CAPN5: variants seen among roughly 807,000 people sequenced by gnomAD.
The protein encoded by CAPN5 is calpain 5, also known as calpain-5.
CAPN5 carries 54 observed loss-of-function variants against 73.0 expected under a neutral mutation model. The ratio of observed to expected loss-of-function variants is 0.74; its 90% CI spans 0.59 to 0.93. The LOEUF (loss-of-function observed/expected upper bound fraction) is 0.93, where lower values mean the gene tolerates loss of function less well. Ranked by LOEUF, CAPN5 falls within the 40% of genes least tolerant of loss-of-function variation. The pLI is 0.00. For synonymous variants in CAPN5, 335 were observed against 356.9 expected (o/e 0.94, Z 0.69); for missense variants, 785 against 882.9 (o/e 0.89, Z 1.41).
chr11:77,079,940 A>G (rs1175045053), intron 1 of CAPN5, among the ~76,000 whole-genome samples: 1 of 151,894 alleles, frequency 6.6e-6, no homozygotes, highest in Admixed American at 6.6e-5. Flanking sequence ...AGACCATTTG[A>G]GTTTACTTTT....
chr11:77,102,499 C>A (rs529293961), intron 3 of CAPN5, among the ~76,000 whole-genome samples: 64 of 152,368 alleles, frequency 4.2e-4, no homozygotes, highest in African/African-American at 1.5e-3. Context: ...CTCATCTTCA[C>A]AAACAAGCCA....
At chr11:77,112,536 C>A in intron 3 of CAPN5, 53 bp from the exon 4 acceptor site, 2 of 1,407,830 alleles carry the variant, frequency 1.4e-6, no homozygotes, top group South Asian at 1.2e-5. Flanking sequence ...CCTCAGGAAG[C>A]CGGACATCCC....
intron 2 of CAPN5, among the ~76,000 whole-genome samples, chr11:77,087,238 C>T (rs541199758): frequency 6.6e-5 from 10 of 152,324 alleles, no homozygotes; most frequent in South Asian, 4.1e-4. Context: ...GCCCCACTAA[C>T]GGGATGGGAG....
At chr11:77,069,556 C>T (rs1459696356) in intron 1 of CAPN5, among the ~76,000 whole-genome samples, 1 of 152,106 alleles carries the variant, frequency 6.6e-6, no homozygotes, top group Non-Finnish European at 1.5e-5. Flanking sequence ...CCGGGAGCAC[C>T]CTAGAGTACA....
intron 1 of CAPN5, among the ~76,000 whole-genome samples, chr11:77,068,379 G>A (rs1949868239): frequency 6.6e-6 from 1 of 152,214 alleles, no homozygotes; most frequent in South Asian, 2.1e-4. Context: ...CCTGTCCAGA[G>A]TTGTACCCAG....
chr11:77,067,257 T>C (rs1448945145), intron 1 of CAPN5, among the ~76,000 whole-genome samples, 163 bp downstream of exon 1: 11 of 130,460 alleles, frequency 8.4e-5, no homozygotes, highest in Non-Finnish European at 1.8e-4. Context: ...AAGTGAGCGC[T>C]GGCTGGGGGG....
intron 3 of CAPN5, among the ~76,000 whole-genome samples, chr11:77,100,362 C>T (rs148644890): frequency 3.4e-4 from 51 of 151,776 alleles, no homozygotes; most frequent in Non-Finnish European, 5.9e-4. Context: ...TCTGCCTCCT[C>T]CCCTCCCTCT....
chr11:77,106,271 A>T (rs1359322541), intron 3 of CAPN5, among the ~76,000 whole-genome samples: 4 of 24,402 alleles, frequency 1.6e-4, no homozygotes, highest in African/African-American at 1.7e-4. Flanking sequence ...CCCAACCCCC[A>T]CCCCCGGTCT....
chr11:77,105,494 G>A (rs577282308), intron 3 of CAPN5, among the ~76,000 whole-genome samples: 128 of 152,356 alleles, frequency 8.4e-4, no homozygotes, highest in South Asian at 5.4e-3. Flanking sequence ...GGGTAGGAAG[G>A]CACCAAACCA....
intron 6 of CAPN5, among the ~76,000 whole-genome samples, 184 bp from the exon 7 acceptor site, chr11:77,116,042 G>A (rs142499743): frequency 6.6e-6 from 1 of 152,208 alleles, no homozygotes; most frequent in African/African-American, 2.4e-5. Flanking sequence ...GGTCCCTTGT[G>A]GGAGGAGACA....
rs1555042071 is a variant in CAPN5 at position 77,118,195 on chromosome 11, TC to T, written c.1011del (p.Ile338SerfsTer5). The stretch of plus-strand genomic sequence containing the variant: ...GACGTGTGCCGGTACTTCACGGACA[TC>T]ATCAAGTGCCGCGTGATCAACACAT... The part of the protein sequence containing the change: ...FEDVCRYFTD[I>X]IKCRVINTSH... On this transcript the variant is annotated frameshift_variant, in exon 8 of 13. Coordinates refer to ENST00000648180, the MANE Select transcript of CAPN5 (RefSeq NM_004055.5). LOFTEE classifies it high-confidence loss of function. The T allele has an allele frequency of 6.2e-7, 1 of 1,613,758 alleles. No homozygotes were observed. The highest frequency in any genetic ancestry group is 1.7e-5 in the Admixed American group (1 of 59,978).
chr11:77,114,282 G>T lies in CAPN5; in HGVS notation c.547G>T (p.Ala183Ser), dbSNP rs782423035. The T allele has an allele frequency of 1.1e-5, 17 of 1,614,096 alleles. No homozygotes were observed. The highest frequency in any genetic ancestry group is 1.4e-5 in the Non-Finnish European group (17 of 1,180,032). ...CYQALDGGNT[A>S]DALVDFTGGV... Reference sequence around the variant, plus strand: ...CCAGGCCCTGGATGGAGGCAACACAGCAGACGCACTGGTGGACTTCACGGG... The same window carrying T: ...CCAGGCCCTGGATGGAGGCAACACATCAGACGCACTGGTGGACTTCACGGG... The change falls in exon 5 of 13, where the codon GCA (alanine) becomes TCA (serine). Residue 183 changes from alanine (A) to serine (S), a missense_variant. Physicochemically the swap from Ala to Ser is moderately conservative, Grantham distance 99. Coordinates refer to ENST00000648180, the MANE Select transcript of CAPN5 (RefSeq NM_004055.5).
chr11:77,103,007 C>T, intron 3 of CAPN5: 1 of 1,613,620 alleles, frequency 6.2e-7, no homozygotes, highest in Non-Finnish European at 8.5e-7. Context: ...ACCGCCTCAA[C>T]TTCACCCAGC....
chr11:77,103,415 C>T, intron 3 of CAPN5: 2 of 1,485,410 alleles, frequency 1.3e-6, no homozygotes, highest in South Asian at 1.3e-5. Context: ...TTTTTGGGGC[C>T]ATTATTCTCG....
At chr11:77,122,553 C>T in intron 11 of CAPN5, 23 bp from the exon 12 acceptor site, 3 of 1,536,406 alleles carry the variant, frequency 2.0e-6, no homozygotes, top group Non-Finnish European at 2.7e-6. Context: ...ACCCTCACCC[C>T]ATCTCCCACT....
At chr11:77,120,949 G>A (rs374822210) in intron 10 of CAPN5, 40 bp downstream of exon 10, 411 of 1,575,874 alleles carry the variant, frequency 2.6e-4, no homozygotes, top group Non-Finnish European at 3.4e-4. Context: ...GGGTGGGAGT[G>A]ACATTCACAC....
chr11:77,070,572 G>T (rs1048062619), intron 1 of CAPN5, among the ~76,000 whole-genome samples: 2 of 152,230 alleles, frequency 1.3e-5, no homozygotes, highest in Non-Finnish European at 2.9e-5. Flanking sequence ...GGAGAGGCGG[G>T]TGGGACCCCA....
At chr11:77,121,905 C>A in intron 10 of CAPN5, 29 bp from the exon 11 acceptor site, 1 of 1,328,706 alleles carries the variant, frequency 7.5e-7, no homozygotes, top group Non-Finnish European at 1.0e-6. Context: ...TTCTCCATCA[C>A]TCCCCTCTCC....
chr11:77,103,240 A>G (rs1447679388), intron 3 of CAPN5: 12 of 1,613,490 alleles, frequency 7.4e-6, no homozygotes, highest in African/African-American at 1.3e-5. Flanking sequence ...GACCTGGCCA[A>G]GATCCGCAAG....
Sources: allele counts gnomAD v4.1 joint callset (sites outside exome capture counted in the v4.1 genomes callset), GRCh38; gene constraint gnomAD v4.1.1; transcripts MANE v1.5; gene names NCBI Gene and HGNC (gene_info 2026-07-23, HGNC 2026-07-21).